Variants in MBNL3 observed in about 807,000 individuals in gnomAD.
The protein encoded by MBNL3 is muscleblind-like protein 3.
MBNL3 carries 6 observed loss-of-function variants against 24.5 expected under a neutral mutation model. The observed-to-expected ratio is 0.25, with a 90% CI of 0.13 to 0.48. The LOEUF is 0.48. Among genes scored for constraint, MBNL3 ranks in the 20% least tolerant of loss-of-function variants. MBNL3 has a pLI of 0.99. For synonymous variants in MBNL3, 100 were observed against 101.7 expected, an observed-to-expected ratio of 0.98 and a Z score of 0.10; for missense variants, 230 against 293.5, an observed-to-expected ratio of 0.78 and a Z score of 1.58.
intron 2 of MBNL3, among the ~76,000 whole-genome samples, chrX:132,410,888 A>G (rs187229231): frequency 5.0e-4 from 56 of 112,236 alleles, no homozygotes; most frequent in Non-Finnish European, 1.1e-4. Context: ...TTCTACTGGC[A>G]AATTTCCCAC....
At chrX:132,440,827 G>A (rs1315761456) in intron 1 of MBNL3, among the ~76,000 whole-genome samples, 1 of 112,674 alleles carries the variant, frequency 8.9e-6, no homozygotes, top group Non-Finnish European at 1.9e-5. Context: ...ATACAGGAAA[G>A]GTTAATTTAT....
chrX:132,393,371 T>TAA (rs765283254), intron 3 of MBNL3, among the ~76,000 whole-genome samples: 37 of 96,821 alleles, frequency 3.8e-4, no homozygotes, highest in East Asian at 2.2e-3. Context: ...GAGTAACTTG[T>TAA]AAAAAAAAAA....
Position 132,378,930 on chromosome X carries a change from A to T in MBNL3, c.*736T>A, listed in dbSNP as rs1457246875. 8.9e-6 allele frequency: 1 copy of T among 112,168 alleles called. No individual in the cohort carries two copies. Among genetic ancestry groups the T allele is most frequent in the Non-Finnish European group, 1.9e-5 (1 of 53,192 alleles). 9.2% of individuals were successfully genotyped at this position (112,168 alleles called of 1,213,427 possible). ...TCTAGTAATTTGATTGTATTATGCA[A>T]CATCAGATCTGCAGGTACAAATTAT... On this transcript the variant is annotated 3_prime_UTR_variant, in exon 9 of 9. Coordinates refer to ENST00000370853, the MANE Select transcript of MBNL3 (RefSeq NM_001386889.1).
intron 3 of MBNL3, among the ~76,000 whole-genome samples, chrX:132,396,944 ATATT>A (rs1225247037): frequency 4.9e-5 from 4 of 80,850 alleles, no homozygotes; most frequent in East Asian, 7.2e-4. Flanking sequence ...ATTCATATAT[ATATT>A]CATATATATT....
In MBNL3 at chrX:132,379,620, A is replaced by G. The variant is rs185194337; in HGVS notation, c.*46T>C. ...ACGAGAATATATATAGAAAGGCCAT[A>G]TGGAGGTTTCCATGGAAAGATTCTG... On this transcript the variant is annotated 3_prime_UTR_variant, in exon 9 of 9. Transcript: ENST00000370853. 5.1e-6 allele frequency: 6 copies of G among 1,169,384 alleles called. No individual in the cohort carries two copies. Among genetic ancestry groups the G allele is most frequent in the Middle Eastern group, 2.4e-4 (1 of 4,208 alleles).
At chrX:132,396,548 ATATATTCCT>A (rs1938711861) in intron 3 of MBNL3, among the ~76,000 whole-genome samples, 1 of 23,042 alleles carries the variant, frequency 4.3e-5, no homozygotes, top group East Asian at 8.3e-4. Context: ...ATATATTCCT[ATATATTCCT>A]ATATATATTC....
intron 1 of MBNL3, among the ~76,000 whole-genome samples, chrX:132,472,469 TTCTC>T (rs779019768): frequency 8.9e-6 from 1 of 111,985 alleles, no homozygotes; most frequent in African/African-American, 3.2e-5. Flanking sequence ...AAGTAAATGT[TTCTC>T]TCTCTCAACT....
intron 2 of MBNL3, among the ~76,000 whole-genome samples, chrX:132,418,773 G>T (rs1027291586): frequency 3.6e-5 from 4 of 112,052 alleles, no homozygotes; most frequent in South Asian, 3.7e-4. Context: ...TTGTTTGTTT[G>T]GTTTTGTTTT....
In MBNL3 at chrX:132,406,252, G is replaced by A. The variant is rs1941812595; in HGVS notation, c.318C>T (p.Leu106=). Residue 106 remains leucine (L), a synonymous_variant, in exon 3 of 9, where the codon CTC becomes CTT. Coordinates refer to ENST00000370853, the MANE Select transcript of MBNL3 (RefSeq NM_001386889.1). ...CAAGTGATGACATTTGAGCGTTTTG[G>A]AGCATAAGCTGCATCTGCTGGGCGA... The part of the protein sequence containing the change: ...AMFAQQMQLM[L]QNAQMSSLGS... The A allele has an allele frequency of 8.3e-7, 1 of 1,209,717 alleles. No individual in the cohort carries two copies. Among genetic ancestry groups the A allele is most frequent in the Non-Finnish European group, 1.1e-6 (1 of 895,154 alleles).
chrX:132,388,426 T>C (rs1348964920), intron 5 of MBNL3, among the ~76,000 whole-genome samples: 1 of 112,391 alleles, frequency 8.9e-6, no homozygotes, highest in Non-Finnish European at 1.9e-5. Context: ...GACCTACTTA[T>C]CTGGTTGTTA....
intron 1 of MBNL3, among the ~76,000 whole-genome samples, chrX:132,464,813 C>T (rs1179689645): frequency 2.7e-5 from 3 of 111,747 alleles, no homozygotes; most frequent in Non-Finnish European, 3.8e-5. Context: ...CCAAGGCACA[C>T]GGATCACTTG....
intron 3 of MBNL3, among the ~76,000 whole-genome samples, chrX:132,399,679 G>A (rs1037299998): frequency 9.1e-6 from 1 of 109,775 alleles, no homozygotes; most frequent in African/African-American, 3.3e-5. Flanking sequence ...GATGATTACA[G>A]GATATTAAGG....
intron 1 of MBNL3, among the ~76,000 whole-genome samples, chrX:132,475,026 ATCC>A (rs1407740519): frequency 1.8e-5 from 2 of 111,678 alleles, no homozygotes; most frequent in Admixed American, 9.5e-5. Context: ...ACAAAAAAAA[ATCC>A]TCCTGTGTTG....
intron 2 of MBNL3, among the ~76,000 whole-genome samples, chrX:132,408,469 A>AGAT (rs749014662): frequency 2.7e-5 from 3 of 110,848 alleles, no homozygotes; most frequent in Non-Finnish European, 5.7e-5. Flanking sequence ...TCCAGACATT[A>AGAT]GATAAGTTAA....
chrX:132,446,261 T>C (rs1047864350), intron 1 of MBNL3, among the ~76,000 whole-genome samples: 1 of 112,116 alleles, frequency 8.9e-6, no homozygotes, highest in African/African-American at 3.2e-5. Context: ...AACATACATG[T>C]GCATGTGTCT....
At chrX:132,417,434 C>G (rs1362981161) in intron 2 of MBNL3, among the ~76,000 whole-genome samples, 4 of 111,392 alleles carry the variant, frequency 3.6e-5, no homozygotes, top group Admixed American at 1.9e-4. Flanking sequence ...TATCTCCACA[C>G]CCAAAACAAG....
chrX:132,396,815 CAT>C (rs750288091), intron 3 of MBNL3, among the ~76,000 whole-genome samples: 178 of 6,797 alleles, frequency 0.026, 29 homozygotes, highest in African/African-American at 0.12. Flanking sequence ...TTCATATATA[CAT>C]ATATATATTC....
rs762809506 is a variant in MBNL3, at chrX:132,443,984, T to TCCCCCCCCC, written c.-703-3671_-703-3670insGGGGGGGGG. On this transcript the variant is annotated intron_variant, in intron 1 of 8. Coordinates refer to ENST00000370853, the MANE Select transcript of MBNL3 (RefSeq NM_001386889.1). ...AAACTCAAGCAGCCTGACTCCAGAG[T>TCCCCCCCCC]CCGCCCCCCCCCCCCCCCCCCACCT... Among the ~76,000 whole-genome samples the TCCCCCCCCC allele has an allele frequency of 8.8e-3, 54 of 6,149 alleles. 17 individuals are homozygous for TCCCCCCCCC. Among genetic ancestry groups the TCCCCCCCCC allele is most frequent in the African/African-American group, 0.015 (24 of 1,627 alleles). The allele number at this position is 6,149 out of a possible 115,157, so 5.3% of individuals were successfully genotyped here.
chrX:132,411,413 GC>G (rs1323819576), intron 2 of MBNL3: 2 of 751,953 alleles, frequency 2.7e-6, no homozygotes, highest in Admixed American at 1.8e-4. Context: ...TTCTGAAATA[GC>G]CCACTAAGAT....
Sources: gnomAD v4.1 joint callset for allele counts (sites outside exome capture counted in the v4.1 genomes callset) on GRCh38, gnomAD v4.1.1 for gene constraint, MANE v1.5 for transcripts, NCBI Gene and HGNC (gene_info 2026-07-23, HGNC 2026-07-21) for gene names.